Variants in PPP2R2C observed in about 807,000 individuals in gnomAD.
PPP2R2C encodes the protein protein phosphatase 2, regulatory subunit B, gamma.
A neutral mutation model predicts 45.3 loss-of-function variants in PPP2R2C; 10 were observed. That is an observed-to-expected ratio of 0.22 (90% CI 0.14 to 0.37). The LOEUF is 0.37. Among genes scored for constraint, PPP2R2C ranks in the 10% least tolerant of loss-of-function variants. The probability of loss-of-function intolerance (pLI) is 1.00; values close to 1 mark genes in which losing one functional copy is unlikely to be tolerated. For missense variants in PPP2R2C, 308 were observed against 619.7 expected (o/e 0.50, Z 5.34); for synonymous variants, 257 against 245.4 (o/e 1.05, Z -0.44).
At chr4:6,451,503 T>C (rs941314053) in intron 1 of PPP2R2C, among the ~76,000 whole-genome samples, 1 of 152,096 alleles carries the variant, frequency 6.6e-6, no homozygotes, top group Non-Finnish European at 1.5e-5. Context: ...GGGAGGGTGA[T>C]GGCAGCCAGC....
At chr4:6,418,393 A>C (rs1718735549) in intron 1 of PPP2R2C, among the ~76,000 whole-genome samples, 1 of 152,208 alleles carries the variant, frequency 6.6e-6, no homozygotes, top group Admixed American at 6.5e-5. Flanking sequence ...ATCAAGGGCC[A>C]CACAGCTGCT....
At chr4:6,435,285 T>G (rs1719836471) in intron 1 of PPP2R2C, among the ~76,000 whole-genome samples, 1 of 152,188 alleles carries the variant, frequency 6.6e-6, no homozygotes, top group African/African-American at 2.4e-5. Flanking sequence ...CATTGCATAC[T>G]TCACTTTTTA....
In PPP2R2C at chr4:6,398,019, T is replaced by C. The variant is rs565080017; in HGVS notation, c.71-16925A>G. On this transcript the variant is annotated intron_variant, in intron 1 of 8. Transcript: ENST00000382599. ...AGTCTGTGGTGAACTCAGATTGTCATCAAAGGCACTCAGGTGATTCCACGA... is the reference window on the plus strand; with the variant it reads ...AGTCTGTGGTGAACTCAGATTGTCACCAAAGGCACTCAGGTGATTCCACGA... Among the ~76,000 whole-genome samples the C allele has an allele frequency of 3.2e-4, 49 of 152,318 alleles. No homozygotes were observed. The Middle Eastern group carries it at 0.01, about 32-fold the overall frequency.
intron 2 of PPP2R2C, among the ~76,000 whole-genome samples, chr4:6,478,497 G>A (rs1041743220): frequency 4.7e-5 from 6 of 127,868 alleles, no homozygotes; most frequent in Non-Finnish European, 8.3e-5. Flanking sequence ...CCATCAGCCC[G>A]AGTCCTTAAT....
intron 4 of PPP2R2C, among the ~76,000 whole-genome samples, chr4:6,375,584 G>T (rs575857601): frequency 9.2e-5 from 14 of 152,306 alleles, no homozygotes; most frequent in Admixed American, 7.2e-4. Flanking sequence ...GCACTTTACA[G>T]CCATACACCA....
intron 1 of PPP2R2C, among the ~76,000 whole-genome samples, chr4:6,389,013 G>A (rs1259922954): frequency 1.3e-5 from 2 of 151,790 alleles, no homozygotes; most frequent in Non-Finnish European, 2.9e-5. Context: ...GGGAGACATC[G>A]CCCTTGGATC....
intron 2 of PPP2R2C, among the ~76,000 whole-genome samples, chr4:6,379,606 T>G (rs1411007507): frequency 6.6e-6 from 1 of 152,256 alleles, no homozygotes; most frequent in Non-Finnish European, 1.5e-5. Flanking sequence ...GATCTCTTTC[T>G]GCAGCTTGGC....
chr4:6,447,355 T>A lies in PPP2R2C; in HGVS notation c.70+24805A>T, dbSNP rs532192633. Among the ~76,000 whole-genome samples the A allele has an allele frequency of 1.5e-4, 23 of 152,260 alleles. No homozygotes were observed. In the South Asian group the frequency reaches 4.4e-3, roughly 29 times the overall value. On this transcript the variant is annotated intron_variant, in intron 1 of 8. Transcript: ENST00000382599. The stretch of plus-strand genomic sequence containing the variant: ...GGGAGGAACCTCCCACCCTCCCGTT[T>A]CCATGGAAATCCCCTTGAAATAACC...
At chr4:6,394,115 A>G (rs145813640) in intron 1 of PPP2R2C, among the ~76,000 whole-genome samples, 5 of 152,332 alleles carry the variant, frequency 3.3e-5, no homozygotes, top group African/African-American at 1.2e-4. Context: ...GGCTCTGCCC[A>G]GACGGACAGG....
chr4:6,506,368 G>A (rs1364017118), intron 2 of PPP2R2C, among the ~76,000 whole-genome samples: 3 of 152,194 alleles, frequency 2.0e-5, no homozygotes, highest in African/African-American at 7.2e-5. Flanking sequence ...AAGTTTACGT[G>A]GGTCTCTGTA....
chr4:6,380,960 A>C (rs1294503967), intron 2 of PPP2R2C, 37 bp downstream of exon 2: 579 of 1,231,288 alleles, frequency 4.7e-4, no homozygotes, highest in South Asian at 3.2e-3. Flanking sequence ...TCTGCTCCCC[A>C]CCCCTCCCAC....
Position 6,452,975 on chromosome 4 carries a change from G to A in PPP2R2C, c.70+19185C>T, listed in dbSNP as rs574023997. ...CACGGCCACACTGCAGGCAGCCTGT[G>A]GTTGGTTAAAGGGCGAGGCTGATCA... On this transcript the variant is annotated intron_variant, in intron 1 of 8. Coordinates refer to ENST00000382599, the MANE Select transcript of PPP2R2C (RefSeq NM_020416.4). Among the ~76,000 whole-genome samples the A allele has an allele frequency of 3.3e-5, 5 of 152,320 alleles. No individual in the cohort carries two copies. In the East Asian group the frequency reaches 7.7e-4, roughly 24 times the overall value.
At chr4:6,327,547 G>T (rs1027436683) in intron 8 of PPP2R2C, among the ~76,000 whole-genome samples, 1 of 152,262 alleles carries the variant, frequency 6.6e-6, no homozygotes, top group Admixed American at 6.5e-5. Flanking sequence ...GAATCAGCTT[G>T]TTACAGCTGC....
chr4:6,481,978 C>CAAAAAAAAA (rs59905632), intron 2 of PPP2R2C, among the ~76,000 whole-genome samples: 7 of 81,148 alleles, frequency 8.6e-5, no homozygotes, highest in Non-Finnish European at 1.1e-4. Flanking sequence ...GACTCCGTCT[C>CAAAAAAAAA]AAAAAAAAAA....
At chr4:6,335,621 G>A (rs1326167596) in intron 6 of PPP2R2C, among the ~76,000 whole-genome samples, 1 of 152,072 alleles carries the variant, frequency 6.6e-6, no homozygotes, top group Non-Finnish European at 1.5e-5. Flanking sequence ...GGAGGGGCAG[G>A]CAGGAGGCTG....
At chr4:6,477,465 G>A (rs919970671), upstream of PPP2R2C, among the ~76,000 whole-genome samples, 2 of 152,070 alleles carry the variant, frequency 1.3e-5, no homozygotes, top group Admixed American at 6.5e-5. Flanking sequence ...GGTGCCTCAC[G>A]CCTGTAATCC....
chr4:6,411,439 C>T lies in PPP2R2C; in HGVS notation c.71-30345G>A, dbSNP rs146358919. 2.6e-3 allele frequency among the ~76,000 whole-genome samples: 391 copies of T among 152,232 alleles called. 7 individuals are homozygous for T. Among genetic ancestry groups the T allele is most frequent in the East Asian group, 0.021 (108 of 5,184 alleles). ...GGAGGTGTCTCCTCCCATCATTCCTCCCTAGGAAGCCCCTGCTCCGTGCTA... is the reference window on the plus strand; with the variant it reads ...GGAGGTGTCTCCTCCCATCATTCCTTCCTAGGAAGCCCCTGCTCCGTGCTA... On this transcript the variant is annotated intron_variant, in intron 1 of 8. Transcript: ENST00000382599.
At position 6,371,412 on chromosome 4, in the gene PPP2R2C, T is replaced by C. The variant is rs1040431749; in HGVS notation, c.625+1111A>G. Among the ~76,000 whole-genome samples the C allele has an allele frequency of 7.9e-5, 12 of 152,204 alleles. No homozygotes were observed. In the East Asian group the frequency reaches 1.2e-3, roughly 15 times the overall value. On this transcript the variant is annotated intron_variant, in intron 5 of 8. Coordinates refer to ENST00000382599, the MANE Select transcript of PPP2R2C (RefSeq NM_020416.4). ...CCCTGCCTCCCCTGCTCCCCACAGC[T>C]ATCCCGGCTTCTACTGCTCCGAGGG...
In PPP2R2C at chr4:6,333,735, T is replaced by A; in HGVS notation, c.791-4A>T. ...GGGTCCTCAGGCTCTTCAAAGACTG[T>A]GGAGACAGAGAAGCAATGGCCGTCA... On this transcript the variant is annotated splice_region_variant and splice_polypyrimidine_tract_variant and intron_variant, in intron 6 of 8. Coordinates refer to ENST00000382599, the MANE Select transcript of PPP2R2C (RefSeq NM_020416.4). The A allele has an allele frequency of 1.2e-6, 2 of 1,613,964 alleles. No homozygotes were observed. The highest frequency in any genetic ancestry group is 8.5e-7 in the Non-Finnish European group (1 of 1,179,926).
Sources: allele counts gnomAD v4.1 joint callset (sites outside exome capture counted in the v4.1 genomes callset), GRCh38; gene constraint gnomAD v4.1.1; transcripts MANE v1.5; gene names NCBI Gene and HGNC (gene_info 2026-07-23, HGNC 2026-07-21).